Variants in CAPN13 observed in about 807,000 individuals in gnomAD.
CAPN13 encodes calpain 13.
In CAPN13, 90 loss-of-function variants were observed where a neutral mutation model predicts 98.4. The observed-to-expected ratio is 0.92, with a 90% CI of 0.77 to 1.09. The LOEUF is 1.09. Among genes scored for constraint, CAPN13 ranks in the 50% least tolerant of loss-of-function variants. CAPN13 has a pLI of 0.00. For missense variants in CAPN13, 887 were observed against 841.3 expected (o/e 1.05, Z -0.67); for synonymous variants, 330 against 305.5 (o/e 1.08, Z -0.84).
chr2:30,733,818 C>T (rs1465518113), intron 19 of CAPN13, among the ~76,000 whole-genome samples: 1 of 152,162 alleles, frequency 6.6e-6, no homozygotes, highest in African/African-American at 2.4e-5. Context: ...TAGCCATTTC[C>T]TTGTGCAACT....
rs201530311 is a variant in CAPN13 at position 30,793,564 on chromosome 2, CT to C, written c.-32-6208del. On this transcript the variant is annotated intron_variant, in intron 1 of 22. Transcript: ENST00000295055. ...CAATCCTAACCAAAATTCTAGCATG[CT>C]TTTTTTTTGTTAGAAATTGATAAGC... 4.0e-5 allele frequency among the ~76,000 whole-genome samples: 6 copies of C among 150,364 alleles called. No homozygotes were observed. In the East Asian group the frequency reaches 5.8e-4, roughly 15 times the overall value.
Position 30,770,447 on chromosome 2 carries a change from G to C in CAPN13, c.390C>G (p.Phe130Leu). ...CTTCCACCCACTGGCCACATTGCCA[G>C]AACTGGAAGAGAGCCAAGCATATGC... ...HQYAGIFRFR[F>L]WQCGQWVEVV... The change falls in exon 5 of 23, where the codon TTC (phenylalanine) becomes TTG (leucine). Residue 130 changes from phenylalanine to leucine, a missense_variant and splice_region_variant. Physicochemically the swap from Phe to Leu is conservative, Grantham distance 22 (BLOSUM62 0). Coordinates refer to ENST00000295055, the MANE Select transcript of CAPN13 (RefSeq NM_144575.3). 6.2e-7 allele frequency: 1 copy of C among 1,613,806 alleles called. No individual in the cohort carries two copies. The highest frequency in any genetic ancestry group is 8.5e-7 in the Non-Finnish European group (1 of 1,179,742).
rs1671387985 is a variant in CAPN13, at chr2:30,736,769, G to C, written c.1654-198C>G. ...TAGATTTGTTTTACAAAGAAAAATG[G>C]GCAATTGGAAGAAGGAAGCCCTGAG... is the stretch of plus-strand genomic sequence containing the variant. On this transcript the variant is annotated intron_variant, in intron 17 of 22. Transcript: ENST00000295055. 6.8e-6 allele frequency: 4 copies of C among 589,268 alleles called. 1 individual carries two copies. The highest frequency in any genetic ancestry group is 3.7e-5 in the African/African-American group (2 of 53,572). The allele number at this position is 589,268 out of a possible 1,614,324, so 36.5% of individuals were successfully genotyped here. A position where few individuals can be genotyped will look rare whatever the true frequency, so the allele number is the denominator to read the frequency against.
At chr2:30,802,788 C>A (rs1169572809) in intron 1 of CAPN13, among the ~76,000 whole-genome samples, 1 of 152,158 alleles carries the variant, frequency 6.6e-6, no homozygotes, top group Admixed American at 6.5e-5. Flanking sequence ...GGAGCCTCTG[C>A]CTGAAAAGAG....
chr2:30,774,335 G>T (rs900557322), intron 4 of CAPN13, among the ~76,000 whole-genome samples: 20 of 151,606 alleles, frequency 1.3e-4, no homozygotes, highest in African/African-American at 4.1e-4. Context: ...AAAAGAAAAA[G>T]AATAGAAAGA....
intron 7 of CAPN13, among the ~76,000 whole-genome samples, chr2:30,759,395 A>G (rs946460447): frequency 2.6e-5 from 4 of 152,142 alleles, no homozygotes; most frequent in African/African-American, 9.7e-5. Context: ...CAACCCTTGA[A>G]TCTGCATCCC....
chr2:30,757,129 AC>A (rs1043834041), intron 8 of CAPN13, among the ~76,000 whole-genome samples: 14 of 151,520 alleles, frequency 9.2e-5, no homozygotes, highest in African/African-American at 3.4e-4. Context: ...CATGTTCCCC[AC>A]CCCCAGCCCC....
intron 5 of CAPN13, among the ~76,000 whole-genome samples, chr2:30,768,674 C>T (rs1207689114): frequency 6.6e-6 from 1 of 151,316 alleles, no homozygotes; most frequent in Admixed American, 6.6e-5. Context: ...CATGAACTTT[C>T]TTTTTTCCTT....
intron 19 of CAPN13, among the ~76,000 whole-genome samples, chr2:30,733,590 CT>C (rs2147949301): frequency 6.6e-6 from 1 of 152,202 alleles, no homozygotes; most frequent in East Asian, 1.9e-4. Context: ...CCCACACCCC[CT>C]GATCAGAGGT....
At chr2:30,777,506 G>A in intron 3 of CAPN13, 61 bp downstream of exon 3, 2 of 1,442,966 alleles carry the variant, frequency 1.4e-6, no homozygotes, top group Non-Finnish European at 1.9e-6. Flanking sequence ...GACTCTGTGG[G>A]TAAGCACCAC....
intron 4 of CAPN13, among the ~76,000 whole-genome samples, chr2:30,772,368 C>T (rs1054033966): frequency 6.6e-6 from 1 of 152,186 alleles, no homozygotes; most frequent in Non-Finnish European, 1.5e-5. Flanking sequence ...GAAAGCAGTA[C>T]CCAGGCTCCC....
chr2:30,785,648 T>G (rs2148070186), intron 2 of CAPN13, among the ~76,000 whole-genome samples: 1 of 152,164 alleles, frequency 6.6e-6, no homozygotes, highest in East Asian at 1.9e-4. Context: ...GTTGTGAGAT[T>G]CAGATAATTA....
chr2:30,775,152 T>C (rs962083537), intron 4 of CAPN13, among the ~76,000 whole-genome samples: 7 of 152,202 alleles, frequency 4.6e-5, no homozygotes, highest in African/African-American at 1.7e-4. Flanking sequence ...TAAAAGAATT[T>C]GGTAAGTTGG....
At chr2:30,760,422 CAG>C in intron 7 of CAPN13, among the ~76,000 whole-genome samples, 1 of 152,244 alleles carries the variant, frequency 6.6e-6, no homozygotes, top group African/African-American at 2.4e-5. Context: ...CACAGATACT[CAG>C]GGGCTCCAGT....
intron 8 of CAPN13, among the ~76,000 whole-genome samples, chr2:30,756,728 G>T (rs1026418591): frequency 2.6e-5 from 4 of 152,200 alleles, no homozygotes; most frequent in Non-Finnish European, 5.9e-5. Context: ...ATTGGAAAGG[G>T]CAAAGGATAC....
chr2:30,754,453 G>T, intron 8 of CAPN13, 89 bp from the exon 9 acceptor site: 1 of 1,076,130 alleles, frequency 9.3e-7, no homozygotes, highest in Non-Finnish European at 1.3e-6. Flanking sequence ...CTCTGTACAT[G>T]TCACCATTCC....
chr2:30,781,106 G>C (rs763694937), intron 2 of CAPN13, among the ~76,000 whole-genome samples: 5 of 152,244 alleles, frequency 3.3e-5, no homozygotes, highest in Non-Finnish European at 5.9e-5. Flanking sequence ...GTCATTCAGA[G>C]ATAGCGTTCA....
intron 11 of CAPN13, among the ~76,000 whole-genome samples, chr2:30,748,496 C>A (rs1038801306): frequency 6.6e-6 from 1 of 152,140 alleles, no homozygotes; most frequent in African/African-American, 2.4e-5. Context: ...GCTGTTCCCA[C>A]CTGTTTTGGT....
intron 1 of CAPN13, among the ~76,000 whole-genome samples, chr2:30,793,681 C>T (rs1186758509): frequency 6.6e-6 from 1 of 151,806 alleles, no homozygotes; most frequent in Non-Finnish European, 1.5e-5. Context: ...CTTACCCAAC[C>T]TGACTTCAAT....
Sources: gnomAD v4.1 joint callset for allele counts (sites outside exome capture counted in the v4.1 genomes callset) on GRCh38, gnomAD v4.1.1 for gene constraint, MANE v1.5 for transcripts, NCBI Gene and HGNC (gene_info 2026-07-23, HGNC 2026-07-21) for gene names.